The following TMEM232 variants were observed in gnomAD, a reference collection of about 807,000 sequenced individuals.
TMEM232 encodes the protein transmembrane protein 232.
Under a neutral mutation model 78.8 loss-of-function variants are expected in TMEM232, and 80 were observed. That is an observed-to-expected ratio of 1.01 (90% CI 0.85 to 1.22). The LOEUF (loss-of-function observed/expected upper bound fraction) is 1.22, where lower values mean the gene tolerates loss of function less well. Among genes scored for constraint, TMEM232 ranks in the 50% most tolerant of loss-of-function variants. The pLI is 0.00. For synonymous variants in TMEM232, 297 were observed against 254.3 expected (o/e 1.17, Z -1.60); for missense variants, 881 against 742.2 (o/e 1.19, Z -2.17).
chr5:110,521,975 G>A (rs185747574), intron 12 of TMEM232, among the ~76,000 whole-genome samples: 2 of 152,160 alleles, frequency 1.3e-5, no homozygotes, highest in East Asian at 3.9e-4. Context: ...TTTCAGAATT[G>A]TTATTTCTAT....
chr5:110,558,633 G>A (rs1425797072), intron 11 of TMEM232, among the ~76,000 whole-genome samples: 4 of 152,116 alleles, frequency 2.6e-5, no homozygotes. Context: ...AGATAGCCCT[G>A]TTCTGTACAA....
intron 12 of TMEM232, among the ~76,000 whole-genome samples, chr5:110,517,440 CA>C (rs2149489452): frequency 6.6e-6 from 1 of 152,312 alleles, no homozygotes; most frequent in Admixed American, 6.5e-5. Context: ...TATAAAAAAG[CA>C]GGTATAATCC....
intron 1 of TMEM232, chr5:110,721,018 T>C (rs1160977208): frequency 6.6e-6 from 1 of 152,132 alleles, no homozygotes; most frequent in East Asian, 1.9e-4. Context: ...GCTAAAGGTA[T>C]AGTATACATT....
chr5:110,469,216 C>A (rs1762405450), intron 12 of TMEM232, among the ~76,000 whole-genome samples: 1 of 152,162 alleles, frequency 6.6e-6, no homozygotes, highest in South Asian at 2.1e-4. Context: ...AGCTTTTACA[C>A]CATACCATTT....
At chr5:110,453,133 T>G (rs903424184) in intron 12 of TMEM232, among the ~76,000 whole-genome samples, 2 of 152,236 alleles carry the variant, frequency 1.3e-5, no homozygotes, top group African/African-American at 4.8e-5. Context: ...AAAGAGAATG[T>G]TTATCTTAGA....
At chr5:110,738,056 A>G (rs112360261) in exon 1 of TMEM232, 18 of 285,510 alleles carry the variant, frequency 6.3e-5, no homozygotes, top group African/African-American at 3.8e-4. Context: ...CAATCAAAAC[A>G]AAGTTGATTA....
chr5:110,571,695 G>GT (rs146028936), intron 10 of TMEM232, among the ~76,000 whole-genome samples: 13,641 of 146,062 alleles, frequency 0.093, 623 homozygotes, highest in Admixed American at 0.13. Context: ...TTGTTTTTTT[G>GT]TTTTTTTTTT....
At chr5:110,508,899 T>C (rs993669751) in intron 12 of TMEM232, among the ~76,000 whole-genome samples, 2 of 140,146 alleles carry the variant, frequency 1.4e-5, no homozygotes, top group South Asian at 4.4e-4. Context: ...TATATGTATA[T>C]ATATAAAATT....
intron 12 of TMEM232, among the ~76,000 whole-genome samples, chr5:110,444,999 T>A (rs1207359360): frequency 1.3e-5 from 2 of 152,058 alleles, no homozygotes; most frequent in African/African-American, 4.8e-5. Flanking sequence ...TCCACTATTG[T>A]GTTTTTAATG....
At chr5:110,590,885 T>C (rs2047127242) in intron 10 of TMEM232, among the ~76,000 whole-genome samples, 1 of 152,078 alleles carries the variant, frequency 6.6e-6, no homozygotes, top group African/African-American at 2.4e-5. Context: ...TCCAAACACA[T>C]ATAAAACCAT....
chr5:110,444,613 A>G (rs920565464), intron 12 of TMEM232, among the ~76,000 whole-genome samples: 7 of 152,164 alleles, frequency 4.6e-5, no homozygotes, highest in African/African-American at 1.4e-4. Flanking sequence ...GTAGGCTTCT[A>G]TTCTGCCATC....
intron 4 of TMEM232, among the ~76,000 whole-genome samples, chr5:110,388,604 T>G (rs1278700174): frequency 1.3e-5 from 2 of 152,308 alleles, no homozygotes; most frequent in African/African-American, 4.8e-5. Flanking sequence ...ACTATGCATA[T>G]GGGCAAGAGT....
rs570896592 is a variant in TMEM232 at position 110,592,227 on chromosome 5, C to T, written c.1276+12882G>A. 1.4e-4 allele frequency among the ~76,000 whole-genome samples: 21 copies of T among 152,164 alleles called. No homozygotes were observed. The South Asian group carries it at 4.4e-3, about 32-fold the overall frequency. ...ACATGAAGCGGAAATCAAAAGTTGA[C>T]GTCTAGAGGTGTTATATTCTCTGGT... is the stretch of plus-strand genomic sequence containing the variant. On this transcript the variant is annotated intron_variant, in intron 10 of 13. Coordinates refer to ENST00000455884, the MANE Select transcript of TMEM232 (RefSeq NM_001039763.4).
At chr5:110,497,680 G>A (rs771227264) in intron 12 of TMEM232, among the ~76,000 whole-genome samples, 3 of 152,136 alleles carry the variant, frequency 2.0e-5, no homozygotes, top group Admixed American at 6.6e-5. Context: ...GCTTTCTCCA[G>A]TGTACCTCAA....
intron 11 of TMEM232, among the ~76,000 whole-genome samples, chr5:110,559,729 CA>C (rs1397813425): frequency 6.6e-6 from 1 of 152,060 alleles, no homozygotes; most frequent in Non-Finnish European, 1.5e-5. Context: ...CAAAGTACCA[CA>C]AAATTTGTGA....
intron 1 of TMEM232, among the ~76,000 whole-genome samples, chr5:110,683,476 A>G (rs1213835840): frequency 1.3e-5 from 2 of 151,994 alleles, no homozygotes; most frequent in African/African-American, 2.4e-5. Flanking sequence ...CCAAAAAAAT[A>G]CAATATCTAA....
intron 12 of TMEM232, among the ~76,000 whole-genome samples, chr5:110,497,778 T>G (rs1000377399): frequency 1.4e-4 from 22 of 152,150 alleles, no homozygotes; most frequent in African/African-American, 5.3e-4. Flanking sequence ...AATTTGAATA[T>G]GTAACCCTTG....
intron 11 of TMEM232, among the ~76,000 whole-genome samples, chr5:110,546,570 TAGGAA>T (rs1191072468): frequency 6.6e-6 from 1 of 152,036 alleles, no homozygotes; most frequent in Non-Finnish European, 1.5e-5. Flanking sequence ...AGCAAAGAAT[TAGGAA>T]AGGAGAGGAA....
Position 110,456,807 on chromosome 5 carries a change from A to G in TMEM232, c.1704-31891T>C, listed in dbSNP as rs146210230. ...TCTTAAAACAAATGGTGCTGGGACA[A>G]TTGGACTCCCATATGTAAAGAAAAA... On this transcript the variant is annotated intron_variant, in intron 12 of 13. Transcript: ENST00000455884. 5.5e-4 allele frequency among the ~76,000 whole-genome samples: 83 copies of G among 152,084 alleles called. No individual in the cohort carries two copies. In the East Asian group the frequency reaches 0.016, roughly 29 times the overall value.
Sources: allele counts gnomAD v4.1 joint callset (sites outside exome capture counted in the v4.1 genomes callset), GRCh38; gene constraint gnomAD v4.1.1; transcripts MANE v1.5; gene names NCBI Gene and HGNC (gene_info 2026-07-23, HGNC 2026-07-21).